The following SCAF4 variants were observed in gnomAD, a reference collection of about 807,000 sequenced individuals.
SCAF4 encodes the protein SR-related and CTD-associated factor 4.
Under a neutral mutation model 129.8 loss-of-function variants are expected in SCAF4, and 25 were observed. That is an observed-to-expected ratio of 0.19 (90% CI 0.14 to 0.27). The LOEUF is 0.27. SCAF4 is among the 10% of genes least tolerant of loss of function. The pLI, the probability that SCAF4 is intolerant of heterozygous loss-of-function variation, is 1.00. For missense variants in SCAF4, 1,246 were observed against 1,457.1 expected (o/e 0.86, Z 2.36); for synonymous variants, 551 against 497.7 (o/e 1.11, Z -1.43).
chr21:31,717,870 C>CACATATATACACAT (rs1555853934), intron 1 of SCAF4, among the ~76,000 whole-genome samples: 6 of 124,828 alleles, frequency 4.8e-5, no homozygotes, highest in Non-Finnish European at 9.6e-5. Context: ...CACACACACA[C>CACATATATACACAT]ATATACACAT....
At chr21:31,701,690 T>C (rs2050535953) in intron 6 of SCAF4, 86 bp downstream of exon 6, 5 of 1,385,402 alleles carry the variant, frequency 3.6e-6, no homozygotes, top group African/African-American at 1.5e-5. Context: ...CTCCTTTCAA[T>C]GTGCTTATTA....
intron 7 of SCAF4, among the ~76,000 whole-genome samples, chr21:31,697,265 A>G (rs2050410786): frequency 6.6e-6 from 1 of 152,218 alleles, no homozygotes; most frequent in Admixed American, 6.5e-5. Context: ...GCAGTTCCTA[A>G]GAGGTTCGCT....
chr21:31,687,520 G>C (rs957001724), intron 16 of SCAF4, among the ~76,000 whole-genome samples: 4 of 152,040 alleles, frequency 2.6e-5, no homozygotes, highest in African/African-American at 7.3e-5. Context: ...GTAACAGGTT[G>C]GCTGACTAGA....
At chr21:31,700,704 T>G in intron 7 of SCAF4, 1 of 400,602 alleles carries the variant, frequency 2.5e-6, no homozygotes. Context: ...TTGGGGTTAA[T>G]GAAGAATTTT....
intron 3 of SCAF4, among the ~76,000 whole-genome samples, chr21:31,704,923 T>C (rs570426745): frequency 6.6e-6 from 1 of 152,332 alleles, no homozygotes; most frequent in African/African-American, 2.4e-5. Context: ...GTACTACATG[T>C]CACAGCTCCA....
intron 8 of SCAF4, 81 bp from the exon 9 acceptor site, chr21:31,696,302 G>T: frequency 9.6e-7 from 1 of 1,043,550 alleles, no homozygotes; most frequent in Non-Finnish European, 1.5e-6. Flanking sequence ...ACAGAGTGTT[G>T]TTCATGAGTC....
intron 7 of SCAF4, among the ~76,000 whole-genome samples, chr21:31,698,232 T>C (rs781407723): frequency 1.3e-5 from 2 of 152,210 alleles, no homozygotes; most frequent in African/African-American, 4.8e-5. Context: ...TGAAGATCTA[T>C]AAAGTAGCTG....
chr21:31,701,662 G>C, intron 6 of SCAF4, 114 bp downstream of exon 6: 2 of 1,145,138 alleles, frequency 1.7e-6, no homozygotes, highest in Non-Finnish European at 2.4e-6. Context: ...TTTTCTAGTT[G>C]AAAAGCAGAC....
intron 5 of SCAF4, 60 bp downstream of exon 5, chr21:31,702,184 A>C: frequency 6.2e-7 from 1 of 1,601,024 alleles, no homozygotes; most frequent in South Asian, 1.1e-5. Flanking sequence ...ATAAACTCTG[A>C]CTGTTTCATG....
Position 31,728,755 on chromosome 21 carries a change from C to T in SCAF4, c.30+2908G>A, listed in dbSNP as rs2051271678. Among the ~76,000 whole-genome samples, 3 of 152,146 alleles carry T rather than the reference C, an allele frequency of 2.0e-5. No individual in the cohort carries two copies. The South Asian group carries it at 6.2e-4, about 32-fold the overall frequency. On this transcript the variant is annotated intron_variant, in intron 1 of 19. Transcript: ENST00000286835. ...TCCCATCTGAACTCCTGGATGTCTC[C>T]CTCTATCTCTTAGTTGCTTCCAAGT...
chr21:31,731,653 C>T lies in SCAF4; in HGVS notation c.30+10G>A. On this transcript the variant is annotated intron_variant, in intron 1 of 19. Transcript: ENST00000286835. ...AGGCCCGGCACCCCCCTGCCCCAAA[C>T]ACCCCTTACCTCCTGGTTGAAGGCG... 2.5e-6 allele frequency: 4 copies of T among 1,588,316 alleles called. No homozygotes were observed. Among genetic ancestry groups the T allele is most frequent in the Non-Finnish European group, 3.4e-6 (4 of 1,172,192 alleles).
chr21:31,689,501 G>A (rs992116417), intron 15 of SCAF4, among the ~76,000 whole-genome samples: 1 of 149,336 alleles, frequency 6.7e-6, no homozygotes, highest in Admixed American at 6.7e-5. Context: ...GTAAAGATGG[G>A]GTTTTACCAT....
intron 1 of SCAF4, among the ~76,000 whole-genome samples, chr21:31,713,297 C>T (rs987137210): frequency 7.2e-5 from 11 of 152,200 alleles, no homozygotes; most frequent in Non-Finnish European, 1.6e-4. Flanking sequence ...TCAATAATAA[C>T]TGCCCGAGAA....
chr21:31,702,628 T>C (rs751479409), intron 4 of SCAF4, among the ~76,000 whole-genome samples: 3 of 152,168 alleles, frequency 2.0e-5, no homozygotes, highest in Non-Finnish European at 4.4e-5. Flanking sequence ...ATTTATTATT[T>C]GACATTTTCA....
At chr21:31,689,065 T>C (rs2050196083) in intron 15 of SCAF4, among the ~76,000 whole-genome samples, 1 of 152,190 alleles carries the variant, frequency 6.6e-6, no homozygotes, top group African/African-American at 2.4e-5. Context: ...CATTCTCCAC[T>C]GGACCATGAG....
Position 31,700,984 on chromosome 21 carries a change from G to A in SCAF4, c.777+11C>T, listed in dbSNP as rs758628938. On this transcript the variant is annotated intron_variant, in intron 7 of 19. Transcript: ENST00000286835. The stretch of plus-strand genomic sequence containing the variant: ...ATAAATGGTGGGGTGGGTTATGTGA[G>A]AGAAATATACCTTGTCAAATGCAGT... 3.1e-6 allele frequency: 5 copies of A among 1,613,648 alleles called. No individual in the cohort carries two copies. In the Admixed American group the frequency reaches 6.7e-5, roughly 22 times the overall value.
chr21:31,726,868 T>A (rs184359499), intron 1 of SCAF4, among the ~76,000 whole-genome samples: 1 of 152,326 alleles, frequency 6.6e-6, no homozygotes, highest in Admixed American at 6.5e-5. Flanking sequence ...CTGGTGCCAC[T>A]ACACTCCAGT....
intron 19 of SCAF4, 65 bp downstream of exon 19, chr21:31,684,984 G>T: frequency 1.6e-6 from 1 of 629,198 alleles, no homozygotes; most frequent in East Asian, 3.4e-5. Flanking sequence ...TCTAACTTGG[G>T]GATGGGTGGG....
rs61592268 is a variant in SCAF4 at position 31,688,114 on chromosome 21, C to CAAAAAAA, written c.2043+186_2043+192dup. ...TGGGCAACAAAGAGAGACTCTGTCT[C>CAAAAAAA]AAAAAAAAAAAAAAAAAAAAAAAAA... On this transcript the variant is annotated intron_variant, in intron 16 of 19. Transcript: ENST00000286835. 3.4e-3 allele frequency among the ~76,000 whole-genome samples: 37 copies of CAAAAAAA among 10,908 alleles called. 7 individuals carry two copies. Among genetic ancestry groups the CAAAAAAA allele is most frequent in the African/African-American group, 7.9e-3 (25 of 3,182 alleles). The allele number at this position is 10,908 out of a possible 152,430, so 7.2% of individuals were successfully genotyped here.
Sources: allele counts gnomAD v4.1 joint callset (sites outside exome capture counted in the v4.1 genomes callset), GRCh38; gene constraint gnomAD v4.1.1; transcripts MANE v1.5; gene names NCBI Gene and HGNC (gene_info 2026-07-23, HGNC 2026-07-21).